SLC43A2: variants seen among roughly 807,000 people sequenced by gnomAD.
SLC43A2 encodes the protein large neutral amino acids transporter small subunit 4.
SLC43A2 carries 38 observed loss-of-function variants against 63.2 expected under a neutral mutation model. The ratio of observed to expected loss-of-function variants is 0.60; its 90% confidence interval spans 0.46 to 0.79. The LOEUF (loss-of-function observed/expected upper bound fraction) is 0.79, where lower values mean the gene tolerates loss of function less well. Ranked by LOEUF, SLC43A2 falls within the 30% of genes least tolerant of loss-of-function variation. The probability of loss-of-function intolerance (pLI) is 0.00; values close to 1 mark genes in which losing one functional copy is unlikely to be tolerated. For synonymous variants in SLC43A2, 322 were observed against 331.0 expected (o/e 0.97, Z 0.30); for missense variants, 644 against 756.2 (o/e 0.85, Z 1.74).
At position 1,590,835 on chromosome 17, in the gene SLC43A2, G is replaced by T; in HGVS notation, c.1045C>A (p.Leu349Ile). Reference protein sequence around the residue: ...IFYMGAMNNILKFLVSGDQKT... With the variant: ...IFYMGAMNNIIKFLVSGDQKT... ...TGGTCGCCGCTGACCAGGAACTTGA[G>T]GATGTTGTTCATAGCCCCCATGTAG... Residue 349 changes from leucine (L) to isoleucine (I), a missense_variant, in exon 9 of 14, where the codon CTC becomes ATC. Transcript: ENST00000301335. 6.4e-7 allele frequency: 1 copy of T among 1,556,222 alleles called. No individual in the cohort carries two copies. The highest frequency in any genetic ancestry group is 2.4e-5 in the East Asian group (1 of 42,234).
chr17:1,586,936 A>ACCCC, intron 9 of SLC43A2: 1 of 501,654 alleles, frequency 2.0e-6, no homozygotes, highest in South Asian at 2.6e-5. Flanking sequence ...AATCCCCCCC[A>ACCCC]CCCCCCGCTT....
rs546467041 is a variant in SLC43A2, at chr17:1,600,135, A to AATATATATAT, written c.502-6866_502-6857dup. Among the ~76,000 whole-genome samples, 339 of 47,878 alleles carry AATATATATAT rather than the reference A, an allele frequency of 7.1e-3. 5 individuals are homozygous for AATATATATAT. The highest frequency in any genetic ancestry group is 9.2e-3 in the South Asian group (12 of 1,300). The allele number at this position is 47,878 out of a possible 152,430, so 31.4% of individuals were successfully genotyped here. A position where few individuals can be genotyped will look rare whatever the true frequency, so the allele number is the denominator to read the frequency against. ...TTTACAGTAAGCTATATATTAATTGAATATATATATATATATATTTTTTTT... is the reference window on the plus strand; with the variant it reads ...TTTACAGTAAGCTATATATTAATTGAATATATATATATATATATATATATATATTTTTTTT... On this transcript the variant is annotated intron_variant, in intron 5 of 13. Coordinates refer to ENST00000301335, the MANE Select transcript of SLC43A2 (RefSeq NM_152346.3).
intron 13 of SLC43A2, 131 bp from the exon 14 acceptor site, chr17:1,575,896 C>G: frequency 9.4e-7 from 1 of 1,066,684 alleles, no homozygotes; most frequent in East Asian, 2.6e-5. Flanking sequence ...GGAAGGCCCA[C>G]GAGGTCCCAT....
chr17:1,625,493 A>G (rs1908581721), intron 2 of SLC43A2, among the ~76,000 whole-genome samples: 1 of 152,232 alleles, frequency 6.6e-6, no homozygotes, highest in Non-Finnish European at 1.5e-5. Context: ...AAAATGGCCT[A>G]TCTGCTTCTC....
chr17:1,612,857 A>G (rs1207060811), intron 5 of SLC43A2, among the ~76,000 whole-genome samples: 3 of 152,178 alleles, frequency 2.0e-5, no homozygotes, highest in Admixed American at 6.6e-5. Flanking sequence ...CCATAGTCCC[A>G]GCTACTCGGG....
intron 9 of SLC43A2, among the ~76,000 whole-genome samples, chr17:1,587,228 C>T (rs1351977031): frequency 1.3e-5 from 2 of 152,214 alleles, no homozygotes; most frequent in African/African-American, 2.4e-5. Flanking sequence ...CTGCTGGTGC[C>T]GGGTCACAGG....
At chr17:1,623,158 C>T (rs982827794) in intron 2 of SLC43A2, among the ~76,000 whole-genome samples, 3 of 152,220 alleles carry the variant, frequency 2.0e-5, no homozygotes, top group South Asian at 2.1e-4. Context: ...GAGAAATCTC[C>T]TGTCCACATC....
chr17:1,600,609 A>C (rs1905899401), intron 5 of SLC43A2, among the ~76,000 whole-genome samples: 3 of 132,498 alleles, frequency 2.3e-5, no homozygotes, highest in Non-Finnish European at 3.1e-5. Flanking sequence ...GCTGGAGTGC[A>C]ATGGTACGAT....
At chr17:1,595,204 C>T (rs1598458796) in intron 5 of SLC43A2, among the ~76,000 whole-genome samples, 1 of 151,814 alleles carries the variant, frequency 6.6e-6, no homozygotes, top group African/African-American at 2.4e-5. Flanking sequence ...TGGCTTGAAC[C>T]CGGGAGGCGG....
intron 2 of SLC43A2, among the ~76,000 whole-genome samples, chr17:1,620,981 A>T (rs1295915002): frequency 6.6e-6 from 1 of 152,014 alleles, no homozygotes. Context: ...TGTTTATTAA[A>T]CAGATGCCTC....
intron 9 of SLC43A2, 97 bp downstream of exon 9, chr17:1,590,705 G>T (rs7406591): frequency 0.064 from 95,006 of 1,475,636 alleles, 3,815 homozygotes; most frequent in East Asian, 0.15. Context: ...TCCATGGCCC[G>T]GCTGGCCCGG....
chr17:1,575,707 A>AC lies in SLC43A2; in HGVS notation c.1606_1607insG (p.Ile536SerfsTer18). The AC allele has an allele frequency of 6.2e-7, 1 of 1,613,998 alleles. No individual in the cohort carries two copies. Among genetic ancestry groups the AC allele is most frequent in the Non-Finnish European group, 8.5e-7 (1 of 1,179,992 alleles). ...CCGCTCCAGCTGGCGCCGGTAGCAG[A>AC]TCAGGTAGAGCGGGAGGCAGAAGCC... On this transcript the variant is annotated frameshift_variant, in exon 14 of 14. Coordinates refer to ENST00000301335, the MANE Select transcript of SLC43A2 (RefSeq NM_152346.3). LOFTEE classifies it high-confidence loss of function.
chr17:1,591,730 GGGGA>G, intron 6 of SLC43A2, 31 bp from the exon 7 acceptor site: 3 of 823,056 alleles, frequency 3.6e-6, no homozygotes, highest in East Asian at 2.9e-5. Context: ...GGGGTGGGGG[GGGGA>G]GGGGGCAGAG....
chr17:1,610,544 C>T (rs1414469743), intron 5 of SLC43A2, among the ~76,000 whole-genome samples: 3 of 150,712 alleles, frequency 2.0e-5, no homozygotes, highest in Admixed American at 6.6e-5. Context: ...GCTGGGATTA[C>T]AGGTGTGAGC....
chr17:1,594,629 C>T (rs1390592214), intron 5 of SLC43A2, among the ~76,000 whole-genome samples: 3 of 142,896 alleles, frequency 2.1e-5, no homozygotes, highest in South Asian at 2.4e-4. Context: ...GCTCTTTCGC[C>T]CAGGCTGTAC....
Position 1,593,367 on chromosome 17 carries a change from GC to G in SLC43A2, c.502-89del. 1 of 1,213,030 alleles carries G rather than the reference GC, an allele frequency of 8.2e-7. No homozygotes were observed. The allele number at this position is 1,213,030 out of a possible 1,614,324, so 75.1% of individuals were successfully genotyped here. A position where few individuals can be genotyped will look rare whatever the true frequency, so the allele number is the denominator to read the frequency against. The stretch of plus-strand genomic sequence containing the variant: ...GGGACAGAGAACTAGGCCCCATGAG[GC>G]CCCTTCTTCACCTGCGCCCCTTCCT... On this transcript the variant is annotated intron_variant, in intron 5 of 13. Coordinates refer to ENST00000301335, the MANE Select transcript of SLC43A2 (RefSeq NM_152346.3). This position sits in a 1 kb window ranked among gnomAD's most constrained non-coding sequence, Gnocchi z 5.3.
At chr17:1,607,016 C>T (rs1392210471) in intron 5 of SLC43A2, among the ~76,000 whole-genome samples, 1 of 152,204 alleles carries the variant, frequency 6.6e-6, no homozygotes. Context: ...GCTTGGAGCC[C>T]CCTCTCCTAC....
In SLC43A2 at chr17:1,570,391, A is replaced by T. The variant is rs555176057; in HGVS notation, c.*5213T>A. ...GTCTGTCCTGCTCAGAGCTGCTGAA[A>T]GTGGCTCTCCTGTTGTATGGGCTTG... On this transcript the variant is annotated 3_prime_UTR_variant, in exon 14 of 14. Coordinates refer to ENST00000301335, the MANE Select transcript of SLC43A2 (RefSeq NM_152346.3). 6.6e-6 allele frequency: 1 copy of T among 152,266 alleles called. No individual in the cohort carries two copies. The highest frequency in any genetic ancestry group is 2.1e-4 in the South Asian group (1 of 4,828). The allele number at this position is 152,266 out of a possible 1,614,324, so 9.4% of individuals were successfully genotyped here. A position where few individuals can be genotyped will look rare whatever the true frequency, so the allele number is the denominator to read the frequency against.
intron 2 of SLC43A2, among the ~76,000 whole-genome samples, chr17:1,618,461 T>C (rs1907874996): frequency 6.6e-6 from 1 of 152,216 alleles, no homozygotes; most frequent in South Asian, 2.1e-4. Context: ...ATCATGATCA[T>C]TGCTGCTATT....
Sources: allele counts gnomAD v4.1 joint callset (sites outside exome capture counted in the v4.1 genomes callset), GRCh38; gene constraint gnomAD v4.1.1; non-coding constraint Gnocchi (gnomAD v3.1); transcripts MANE v1.5; gene names NCBI Gene and HGNC (gene_info 2026-07-23, HGNC 2026-07-21).